IKBKB: variants seen among roughly 807,000 people sequenced by gnomAD.
IKBKB encodes inhibitor of nuclear factor kappa B kinase subunit beta.
In IKBKB, 42 loss-of-function variants were observed where a neutral mutation model predicts 113.6. The ratio of observed to expected loss-of-function variants is 0.37; its 90% CI spans 0.29 to 0.48. The LOEUF (loss-of-function observed/expected upper bound fraction) is 0.48, where lower values mean the gene tolerates loss of function less well. Ranked by LOEUF, IKBKB falls within the 20% of genes least tolerant of loss-of-function variation. The probability of loss-of-function intolerance (pLI) is 0.99; values close to 1 mark genes in which losing one functional copy is unlikely to be tolerated. For synonymous variants in IKBKB, 296 were observed against 361.3 expected (o/e 0.82, Z 2.05); for missense variants, 673 against 939.7 (o/e 0.72, Z 3.71).
At position 42,331,776 on chromosome 8, in the gene IKBKB, A is replaced by C. The variant is rs190717502; in HGVS notation, c.*797A>C. On this transcript the variant is annotated 3_prime_UTR_variant, in exon 22 of 22. Coordinates refer to ENST00000520810, the MANE Select transcript of IKBKB (RefSeq NM_001556.3). ...GTGATTGTCACAGAGGAGGGACAGA[A>C]AGGGTATCTGCTGACCACCAGCCTG... The C allele has an allele frequency of 5.3e-4, 170 of 318,970 alleles. No homozygotes were observed. The highest frequency in any genetic ancestry group is 3.5e-3 in the African/African-American group (164 of 46,624). 19.8% of individuals were successfully genotyped at this position (318,970 alleles called of 1,614,324 possible).
intron 20 of IKBKB, among the ~76,000 whole-genome samples, chr8:42,326,815 T>C (rs1019372531): frequency 1.3e-5 from 2 of 152,144 alleles, no homozygotes; most frequent in African/African-American, 2.4e-5. Context: ...CTCCGCCCGT[T>C]CTCCAGCACA....
intron 2 of IKBKB, among the ~76,000 whole-genome samples, chr8:42,284,094 A>G (rs990341766): frequency 3.9e-5 from 6 of 152,186 alleles, no homozygotes; most frequent in Admixed American, 2.6e-4. Context: ...CAGTGCTGCT[A>G]TCACAGAGTA....
chr8:42,275,025 C>T (rs1324165729), intron 2 of IKBKB, among the ~76,000 whole-genome samples: 1 of 150,190 alleles, frequency 6.7e-6, no homozygotes, highest in Non-Finnish European at 1.5e-5. Flanking sequence ...TATAGCCGTG[C>T]ACCACCACGC....
intron 13 of IKBKB, 50 bp from the exon 14 acceptor site, chr8:42,319,220 G>A (rs1819298225): frequency 1.3e-6 from 2 of 1,580,198 alleles, no homozygotes; most frequent in African/African-American, 2.7e-5. Flanking sequence ...ACAGGAAATG[G>A]AATTTGGATC....
rs1821705504 is a variant in IKBKB at position 42,331,692 on chromosome 8, C to G, written c.*713C>G. 1 of 462,094 alleles carries G rather than the reference C, an allele frequency of 2.2e-6. No homozygotes were observed. Among genetic ancestry groups the G allele is most frequent in the Non-Finnish European group, 4.0e-6 (1 of 252,920 alleles). 28.6% of individuals were successfully genotyped at this position (462,094 alleles called of 1,614,324 possible). A position where few individuals can be genotyped will look rare whatever the true frequency, so the allele number is the denominator to read the frequency against. On this transcript the variant is annotated 3_prime_UTR_variant, in exon 22 of 22. Coordinates refer to ENST00000520810, the MANE Select transcript of IKBKB (RefSeq NM_001556.3). ...GTGGTCCTTTCTGCCAAGAGCGACTCATAGTAACCAGGATGGGAGAGCAGC... is the reference window on the plus strand; with the variant it reads ...GTGGTCCTTTCTGCCAAGAGCGACTGATAGTAACCAGGATGGGAGAGCAGC...
At position 42,321,881 on chromosome 8, in the gene IKBKB, C is replaced by A. The variant is rs202151181; in HGVS notation, c.1689-15C>A. ...TTGACCTCAAGTCTAGACAGAACTT[C>A]TTTGTATATTTTAGAGAGGAGCAAG... is the stretch of plus-strand genomic sequence containing the variant. On this transcript the variant is annotated splice_polypyrimidine_tract_variant and intron_variant, in intron 16 of 21. Transcript: ENST00000520810. The A allele has an allele frequency of 4.4e-6, 7 of 1,589,516 alleles. No homozygotes were observed. In the East Asian group the frequency reaches 1.6e-4, roughly 36 times the overall value.
Position 42,331,688 on chromosome 8 carries a change from G to A in IKBKB, c.*709G>A, listed in dbSNP as rs199861667. 18 of 469,902 alleles carry A rather than the reference G, an allele frequency of 3.8e-5. No homozygotes were observed. Among genetic ancestry groups the A allele is most frequent in the African/African-American group, 2.7e-4 (14 of 51,356 alleles). 29.1% of individuals were successfully genotyped at this position (469,902 alleles called of 1,614,324 possible). A position where few individuals can be genotyped will look rare whatever the true frequency, so the allele number is the denominator to read the frequency against. On this transcript the variant is annotated 3_prime_UTR_variant, in exon 22 of 22. Transcript: ENST00000520810. ...ATCTGTGGTCCTTTCTGCCAAGAGCGACTCATAGTAACCAGGATGGGAGAG... is the reference window on the plus strand; with the variant it reads ...ATCTGTGGTCCTTTCTGCCAAGAGCAACTCATAGTAACCAGGATGGGAGAG...
intron 20 of IKBKB, among the ~76,000 whole-genome samples, chr8:42,327,706 C>T (rs1480409030): frequency 6.7e-6 from 1 of 149,516 alleles, no homozygotes; most frequent in Non-Finnish European, 1.5e-5. Flanking sequence ...GATCTCAGCT[C>T]ACCTCAAACT....
chr8:42,299,380 C>A (rs1642479532), intron 5 of IKBKB, among the ~76,000 whole-genome samples: 1 of 152,212 alleles, frequency 6.6e-6, no homozygotes, highest in African/African-American at 2.4e-5. Flanking sequence ...AGGGCACTTC[C>A]ATCACAGTCC....
At chr8:42,292,957 C>T (rs558195134) in intron 4 of IKBKB, among the ~76,000 whole-genome samples, 14 of 152,280 alleles carry the variant, frequency 9.2e-5, no homozygotes, top group African/African-American at 3.4e-4. Flanking sequence ...CTAATCTGTG[C>T]AGAGCTCTTC....
chr8:42,301,455 T>G (rs1440703799), intron 5 of IKBKB, among the ~76,000 whole-genome samples: 1 of 152,240 alleles, frequency 6.6e-6, no homozygotes, highest in Non-Finnish European at 1.5e-5. Context: ...AGTACTGTTT[T>G]GTAAAATGTA....
rs536438088 is a variant in IKBKB, at chr8:42,293,674, A to G, written c.388+162A>G. On this transcript the variant is annotated intron_variant, in intron 5 of 21. Coordinates refer to ENST00000520810, the MANE Select transcript of IKBKB (RefSeq NM_001556.3). Reference sequence around the variant, plus strand: ...GGACCCTGGTGGAGTAGGGAGGTCAACAAGGAGTCAGCCAGACAGATGCTG... The same window carrying G: ...GGACCCTGGTGGAGTAGGGAGGTCAGCAAGGAGTCAGCCAGACAGATGCTG... The G allele has an allele frequency of 2.6e-5, 31 of 1,179,810 alleles. No homozygotes were observed. The African/African-American group carries it at 3.8e-4, about 14-fold the overall frequency. The allele number at this position is 1,179,810 out of a possible 1,614,324, so 73.1% of individuals were successfully genotyped here. A position where few individuals can be genotyped will look rare whatever the true frequency, so the allele number is the denominator to read the frequency against.
In IKBKB at chr8:42,272,099, G is replaced by T. The variant is rs147419440; in HGVS notation, c.-2G>T. The stretch of plus-strand genomic sequence containing the variant: ...TGCTTATAGAGTTAGCACGACATCA[G>T]TATGAGCTGGTCACCTTCCCTGACA... On this transcript the variant is annotated 5_prime_UTR_variant, in exon 2 of 22. Coordinates refer to ENST00000520810, the MANE Select transcript of IKBKB (RefSeq NM_001556.3). The T allele has an allele frequency of 5.7e-4, 922 of 1,614,040 alleles. 2 individuals are homozygous for T. In the African/African-American group the frequency reaches 0.011, roughly 19 times the overall value.
chr8:42,311,947 C>T (rs1161379300), intron 8 of IKBKB, among the ~76,000 whole-genome samples: 1 of 152,064 alleles, frequency 6.6e-6, no homozygotes, highest in Non-Finnish European at 1.5e-5. Flanking sequence ...AGTGTAGTGG[C>T]GCGATCGCGG....
intron 5 of IKBKB, among the ~76,000 whole-genome samples, chr8:42,304,511 T>C (rs1050589197): frequency 1.3e-5 from 2 of 152,208 alleles, no homozygotes; most frequent in Admixed American, 1.3e-4. Flanking sequence ...CTGAGCTCTT[T>C]AAAGTTGGGG....
chr8:42,318,540 C>T lies in IKBKB; in HGVS notation c.1241-12C>T. On this transcript the variant is annotated splice_polypyrimidine_tract_variant and intron_variant, in intron 12 of 21. Coordinates refer to ENST00000520810, the MANE Select transcript of IKBKB (RefSeq NM_001556.3). ...GTTATTCTTTGACAATTGCTTGTGT[C>T]TCTGTCTCCAGTTCAAGAGCCCAAG... The T allele has an allele frequency of 1.2e-6, 2 of 1,611,546 alleles. No individual in the cohort carries two copies. The highest frequency in any genetic ancestry group is 8.5e-7 in the Non-Finnish European group (1 of 1,178,446).
intron 2 of IKBKB, among the ~76,000 whole-genome samples, chr8:42,277,612 C>T (rs1461002111): frequency 6.6e-6 from 1 of 152,220 alleles, no homozygotes; most frequent in African/African-American, 2.4e-5. Context: ...GAGCGCTGAG[C>T]CCTCTTGCCG....
chr8:42,278,117 A>T (rs775431353), intron 2 of IKBKB, among the ~76,000 whole-genome samples: 2 of 152,178 alleles, frequency 1.3e-5, no homozygotes, highest in Non-Finnish European at 2.9e-5. Context: ...AGGAAGTGAC[A>T]CTTGAACTGA....
chr8:42,306,805 G>A (rs1463421629), intron 7 of IKBKB, among the ~76,000 whole-genome samples: 3 of 152,238 alleles, frequency 2.0e-5, no homozygotes, highest in Non-Finnish European at 4.4e-5. Context: ...CACTGAGCCT[G>A]GCCGAGGCCA....
Sources: allele counts gnomAD v4.1 joint callset (sites outside exome capture counted in the v4.1 genomes callset), GRCh38; gene constraint gnomAD v4.1.1; transcripts MANE v1.5; gene names NCBI Gene and HGNC (gene_info 2026-07-23, HGNC 2026-07-21).